The following BOD1L1 variants were observed in gnomAD, a reference collection of about 807,000 sequenced individuals.
BOD1L1 encodes the protein biorientation of chromosomes in cell division protein 1-like 1.
In BOD1L1, 86 loss-of-function variants were observed where a neutral mutation model predicts 240.7. That is an observed-to-expected ratio of 0.36 (90% CI 0.30 to 0.43). The LOEUF is 0.43. BOD1L1 is among the 20% of genes least tolerant of loss of function. The pLI, the probability that BOD1L1 is intolerant of heterozygous loss-of-function variation, is 1.00. For synonymous variants in BOD1L1, 1,268 were observed against 1,272.3 expected (o/e 1.00, Z 0.07); for missense variants, 3,554 against 3,643.5 (o/e 0.98, Z 0.63).
At position 13,604,320 on chromosome 4, in the gene BOD1L1, A is replaced by G. The variant is rs1256088853; in HGVS notation, c.2580T>C (p.His860=). The G allele has an allele frequency of 2.5e-6, 4 of 1,593,126 alleles. No homozygotes were observed. In the African/African-American group the frequency reaches 4.1e-5, roughly 16 times the overall value. ...CACTTCTTCTCTGTAATGTGATACCATGTTGCTTGGAACCCAGAGAATCTT... is the reference window on the plus strand; with the variant it reads ...CACTTCTTCTCTGTAATGTGATACCGTGTTGCTTGGAACCCAGAGAATCTT... ...IQKDSLGSKQ[H]GITLQRRSES... The change falls in exon 10 of 26, where the codon CAT becomes CAC. Residue 860 remains histidine, a synonymous_variant. Coordinates refer to ENST00000040738, the MANE Select transcript of BOD1L1 (RefSeq NM_148894.3).
At chr4:13,580,566 TACGTCAGGGTCAAAGATAAAGA>T in intron 21 of BOD1L1, among the ~76,000 whole-genome samples, 1 of 152,318 alleles carries the variant, frequency 6.6e-6, no homozygotes, top group South Asian at 2.1e-4. Flanking sequence ...TTGGTGGGTA[TACGTCAGGGTCAAAGATAAAGA>T]ACGTTCAAAC....
At chr4:13,598,425 T>C (rs1436243009) in intron 10 of BOD1L1, among the ~76,000 whole-genome samples, 1 of 152,166 alleles carries the variant, frequency 6.6e-6, no homozygotes, top group East Asian at 1.9e-4. Flanking sequence ...CATCCCGTCT[T>C]ATTATCCCCA....
intron 25 of BOD1L1, 26 bp from the exon 26 acceptor site, chr4:13,570,154 G>A: frequency 6.7e-7 from 1 of 1,486,404 alleles, no homozygotes; most frequent in South Asian, 1.3e-5. Context: ...TCAAGGCAAT[G>A]GTGAGGTTTA....
At position 13,597,099 on chromosome 4, in the gene BOD1L1, C is replaced by G; in HGVS notation, c.8019+5G>C. 6.3e-7 allele frequency: 1 copy of G among 1,582,412 alleles called. No homozygotes were observed. The highest frequency in any genetic ancestry group is 8.6e-7 in the Non-Finnish European group (1 of 1,162,048). ...AGTTCAGCACAGCTGAATTATAAGC[C>G]ATACCTCCATTTTCAAGTTGGCTTT... On this transcript the variant is annotated splice_donor_5th_base_variant and intron_variant, in intron 11 of 25. Transcript: ENST00000040738.
rs1714945389 is a variant in BOD1L1, at chr4:13,599,729, T to C, written c.7171A>G (p.Arg2391Gly). 1 of 1,613,868 alleles carries C rather than the reference T, an allele frequency of 6.2e-7. No homozygotes were observed. Among genetic ancestry groups the C allele is most frequent in the South Asian group, 1.1e-5 (1 of 91,082 alleles). The change falls in exon 10 of 26, where the codon AGG (arginine) becomes GGG (glycine). Residue 2391 changes from arginine (R) to glycine (G), a missense_variant. Physicochemically the swap from Arg to Gly is moderately radical, Grantham distance 125 (BLOSUM62 -2). Coordinates refer to ENST00000040738, the MANE Select transcript of BOD1L1 (RefSeq NM_148894.3). ...ACGGGACCCGGTTCTTTGCCTCCCC[T>C]GACTGGCCCAGGACACCGACAGTTA... ...ENNCRCPGPV[R>G]GGKEPGPVLA...
chr4:13,617,191 G>A (rs1189404530), intron 2 of BOD1L1, among the ~76,000 whole-genome samples: 4 of 145,622 alleles, frequency 2.7e-5, no homozygotes, highest in Non-Finnish European at 4.5e-5. Context: ...ATTGCAGTGA[G>A]CTGAGATGGC....
At chr4:13,617,057 C>T (rs375123423) in intron 2 of BOD1L1, among the ~76,000 whole-genome samples, 377 of 152,062 alleles carry the variant, frequency 2.5e-3, no homozygotes, top group Admixed American at 4.5e-3. Flanking sequence ...CCATCCTGGC[C>T]AACATGGTGA....
chr4:13,588,881 A>T (rs1175751525), intron 14 of BOD1L1, 89 bp from the exon 15 acceptor site: 21 of 885,578 alleles, frequency 2.4e-5, no homozygotes, highest in Non-Finnish European at 3.2e-5. Context: ...GGCTGGGAGA[A>T]AACTGAGTTA....
chr4:13,579,147 G>C (rs978701912), intron 22 of BOD1L1, among the ~76,000 whole-genome samples: 1 of 152,078 alleles, frequency 6.6e-6, no homozygotes, highest in African/African-American at 2.4e-5. Flanking sequence ...CAACAAAGAG[G>C]ACTGTCTTAA....
intron 2 of BOD1L1, among the ~76,000 whole-genome samples, chr4:13,616,968 C>CG (rs1391547289): frequency 6.6e-6 from 1 of 152,042 alleles, no homozygotes; most frequent in African/African-American, 2.4e-5. Context: ...CAAAAAGGAC[C>CG]GGGCATGGTG....
intron 15 of BOD1L1, 43 bp downstream of exon 15, chr4:13,588,679 A>G: frequency 7.1e-7 from 1 of 1,402,208 alleles, no homozygotes; most frequent in East Asian, 2.4e-5. Context: ...CAGTGAAAAT[A>G]TTATGTATAA....
rs1042917991 is a variant in BOD1L1 at position 13,618,941 on chromosome 4, G to C, written c.368+1002C>G. 2.0e-5 allele frequency among the ~76,000 whole-genome samples: 3 copies of C among 152,136 alleles called. No individual in the cohort carries two copies. The South Asian group carries it at 6.2e-4, about 32-fold the overall frequency. ...AATACTTGTCAAGTCAGGGAGACTG[G>C]ATGATCTCTAAATAACTTAGTCACC... On this transcript the variant is annotated intron_variant, in intron 2 of 25. Coordinates refer to ENST00000040738, the MANE Select transcript of BOD1L1 (RefSeq NM_148894.3).
intron 21 of BOD1L1, among the ~76,000 whole-genome samples, chr4:13,580,650 T>C (rs1366387992): frequency 6.6e-6 from 1 of 152,070 alleles, no homozygotes; most frequent in Non-Finnish European, 1.5e-5. Flanking sequence ...ATATTTTAGG[T>C]CAAAAAGAAT....
At chr4:13,618,762 C>A (rs1431543985) in intron 2 of BOD1L1, among the ~76,000 whole-genome samples, 4 of 151,862 alleles carry the variant, frequency 2.6e-5, no homozygotes, top group Admixed American at 6.6e-5. Flanking sequence ...ATTTGTGGGG[C>A]TTCCTGTTGG....
chr4:13,600,102 G>A lies in BOD1L1; in HGVS notation c.6798C>T (p.Gly2266=). 6.2e-7 allele frequency: 1 copy of A among 1,613,778 alleles called. No homozygotes were observed. The highest frequency in any genetic ancestry group is 1.7e-5 in the Admixed American group (1 of 60,006). ...CTTGAGGGACAGCACTGGACACTGG[G>A]CCCTCACAGTCTTCCACCGAGCTCG... The part of the protein sequence containing the change: ...ISTSSVEDCE[G]PVSSAVPQEE... Residue 2266 remains glycine (G), a synonymous_variant, in exon 10 of 26, where the codon GGC becomes GGT. Transcript: ENST00000040738.
intron 2 of BOD1L1, among the ~76,000 whole-genome samples, chr4:13,618,140 C>CCATTCTT (rs1716757423): frequency 6.6e-6 from 1 of 152,078 alleles, no homozygotes; most frequent in Non-Finnish European, 1.5e-5. Context: ...ACTTAGTTCC[C>CCATTCTT]TTAAATAAAA....
In BOD1L1 at chr4:13,595,872, GC is replaced by G; in HGVS notation, c.8091del (p.Lys2697AsnfsTer5). 2 of 1,613,420 alleles carry G rather than the reference GC, an allele frequency of 1.2e-6. No homozygotes were observed. Among genetic ancestry groups the G allele is most frequent in the Non-Finnish European group, 1.7e-6 (2 of 1,179,676 alleles). On this transcript the variant is annotated frameshift_variant, in exon 12 of 26. Transcript: ENST00000040738. LOFTEE classifies it high-confidence loss of function. ...CTAAAGAGCTCACCTATTCCACTTGGCTTTCCCCCACACAGACTTTCTGGTG... is the reference window on the plus strand; with the variant it reads ...CTAAAGAGCTCACCTATTCCACTTGGTTTCCCCCACACAGACTTTCTGGTG... ...LAPPESLCGG[K>X]PSGIAELQRE...
Position 13,604,587 on chromosome 4 carries a change from A to C in BOD1L1, c.2313T>G (p.Asn771Lys). 1 of 1,568,676 alleles carries C rather than the reference A, an allele frequency of 6.4e-7. No individual in the cohort carries two copies. Among genetic ancestry groups the C allele is most frequent in the Non-Finnish European group, 8.6e-7 (1 of 1,166,202 alleles). ...TTGTTTGTTGACTTTGCTTTTGAAT[A>C]TTTTCCTCTACTTTTAAACCTTTCT... ...SSEKGLKVEE[N>K]IQKQSQQTKL... The change falls in exon 10 of 26, where the codon AAT (asparagine) becomes AAG (lysine). Residue 771 changes from asparagine to lysine, a missense_variant. By Grantham distance (94) the Asn-to-Lys change is moderately conservative (BLOSUM62 0). This residue lies in a region of BOD1L1 where 3,393 missense variants were observed against 3,427.1 expected (regional missense o/e 0.99). Coordinates refer to ENST00000040738, the MANE Select transcript of BOD1L1 (RefSeq NM_148894.3).
Position 13,586,277 on chromosome 4 carries a change from T to C in BOD1L1, c.8433+119A>G, listed in dbSNP as rs1193188471. On this transcript the variant is annotated intron_variant, in intron 17 of 25. Coordinates refer to ENST00000040738, the MANE Select transcript of BOD1L1 (RefSeq NM_148894.3). ...CCTTTTATAATAAAGTGATTATTAT[T>C]AGAGACATTTAAAGAGGGATAGTAA... 4 of 491,420 alleles carry C rather than the reference T, an allele frequency of 8.1e-6. No individual in the cohort carries two copies. The East Asian group carries it at 1.3e-4, about 16-fold the overall frequency. The allele number at this position is 491,420 out of a possible 1,614,324, so 30.4% of individuals were successfully genotyped here. A position where few individuals can be genotyped will look rare whatever the true frequency, so the allele number is the denominator to read the frequency against.
Sources: gnomAD v4.1 joint callset for allele counts (sites outside exome capture counted in the v4.1 genomes callset) on GRCh38, gnomAD v4.1.1 for gene constraint, gnomAD v4.1.1 regional missense constraint, MANE v1.5 for transcripts, NCBI Gene and HGNC (gene_info 2026-07-23, HGNC 2026-07-21) for gene names.